DPP10: variants seen among roughly 807,000 people sequenced by gnomAD.
The protein encoded by DPP10 is inactive dipeptidyl peptidase 10.
DPP10 carries 33 observed loss-of-function variants against 120.9 expected under a neutral mutation model. That is an observed-to-expected ratio of 0.27 (90% confidence interval 0.21 to 0.37). The LOEUF is 0.37. Ranked by LOEUF, DPP10 falls within the 10% of genes least tolerant of loss-of-function variation. DPP10 has a pLI of 1.00. For synonymous variants in DPP10, 337 were observed against 326.1 expected (o/e 1.03, Z -0.36); for missense variants, 816 against 942.8 (o/e 0.87, Z 1.76).
At chr2:115,068,526 C>A (rs936707857) in intron 1 of DPP10, among the ~76,000 whole-genome samples, 12 of 152,144 alleles carry the variant, frequency 7.9e-5, no homozygotes, top group African/African-American at 2.9e-4. Context: ...GTTGCCTCTT[C>A]ATTATGCTAA....
intron 1 of DPP10, among the ~76,000 whole-genome samples, chr2:115,072,993 G>C (rs1167265239): frequency 6.6e-6 from 1 of 152,112 alleles, no homozygotes; most frequent in Non-Finnish European, 1.5e-5. Flanking sequence ...CTGTTGGCCA[G>C]GCTGGTCTCG....
At chr2:115,098,946 T>C (rs2048538698) in intron 1 of DPP10, among the ~76,000 whole-genome samples, 1 of 151,952 alleles carries the variant, frequency 6.6e-6, no homozygotes, top group Non-Finnish European at 1.5e-5. Context: ...CTTGTCCAGT[T>C]ACCACAAAAA....
At chr2:115,270,095 CACACACACACACACACACAG>C (rs2059628922) in intron 1 of DPP10, among the ~76,000 whole-genome samples, 1 of 149,108 alleles carries the variant, frequency 6.7e-6, no homozygotes, top group Non-Finnish European at 1.5e-5. Context: ...CACACACACA[CACACACACACACACACACAG>C]ACACACACAC....
intron 1 of DPP10, among the ~76,000 whole-genome samples, chr2:114,910,124 G>A (rs1160264927): frequency 1.3e-5 from 2 of 151,548 alleles, no homozygotes; most frequent in Admixed American, 6.6e-5. Flanking sequence ...TAGGCACTTA[G>A]GCCTTCCTGC....
At chr2:115,712,540 T>TATATATATATATATATATATCTATATA (rs2092353572) in intron 7 of DPP10, among the ~76,000 whole-genome samples, 1 of 18,060 alleles carries the variant, frequency 5.5e-5, no homozygotes. Context: ...GAGTCCTGAA[T>TATATATATATATATATATATCTATATA]TAAATATATA....
chr2:115,764,572 G>A (rs1203016919), intron 12 of DPP10, among the ~76,000 whole-genome samples: 1 of 151,940 alleles, frequency 6.6e-6, no homozygotes, highest in Non-Finnish European at 1.5e-5. Flanking sequence ...CTATTACTTT[G>A]ATTGCCAGTG....
chr2:115,203,783 A>G (rs1291167448), intron 1 of DPP10, among the ~76,000 whole-genome samples: 2 of 152,040 alleles, frequency 1.3e-5, no homozygotes, highest in African/African-American at 2.4e-5. Context: ...ATTTTATACT[A>G]TCCAATATAT....
intron 1 of DPP10, among the ~76,000 whole-genome samples, chr2:114,884,785 C>T (rs1691918217): frequency 6.6e-6 from 1 of 152,186 alleles, no homozygotes; most frequent in Non-Finnish European, 1.5e-5. Context: ...CATAGCTTAG[C>T]TCCCACTTAT....
intron 1 of DPP10, among the ~76,000 whole-genome samples, chr2:114,554,083 G>A (rs1004214105): frequency 2.6e-5 from 4 of 152,222 alleles, no homozygotes; most frequent in African/African-American, 4.8e-5. Context: ...GTTGATGTTA[G>A]TGAATCCATA....
At chr2:115,691,837 A>G (rs1214952412) in intron 7 of DPP10, among the ~76,000 whole-genome samples, 3 of 152,168 alleles carry the variant, frequency 2.0e-5, no homozygotes, top group African/African-American at 7.2e-5. Flanking sequence ...GACTCTTAAT[A>G]TCTCAAATTT....
intron 3 of DPP10, among the ~76,000 whole-genome samples, chr2:115,457,311 A>C (rs1351445545): frequency 6.6e-6 from 1 of 152,148 alleles, no homozygotes; most frequent in Non-Finnish European, 1.5e-5. Flanking sequence ...AAAACTTTTT[A>C]GAAAAAGACT....
At chr2:114,925,166 A>G (rs2104457876) in intron 1 of DPP10, among the ~76,000 whole-genome samples, 1 of 146,004 alleles carries the variant, frequency 6.8e-6, no homozygotes, top group Admixed American at 7.2e-5. Context: ...AGCCGAGATC[A>G]TGCCACTGCA....
chr2:115,137,074 C>A (rs116397445), intron 1 of DPP10, among the ~76,000 whole-genome samples: 3 of 151,940 alleles, frequency 2.0e-5, no homozygotes, highest in Non-Finnish European at 4.4e-5. Flanking sequence ...ATGAAAGCCA[C>A]GTGTGAGGGT....
chr2:114,835,253 C>T (rs552748915), intron 1 of DPP10: 6 of 148,606 alleles, frequency 4.0e-5, no homozygotes, highest in African/African-American at 1.5e-4. Flanking sequence ...TAGGACATAT[C>T]TACACACCTA....
chr2:114,776,091 A>G (rs1490799109), intron 1 of DPP10, among the ~76,000 whole-genome samples: 1 of 152,192 alleles, frequency 6.6e-6, no homozygotes, highest in Non-Finnish European at 1.5e-5. Flanking sequence ...TGAAGATATG[A>G]TGGGAAAATA....
chr2:115,334,228 C>CTTT (rs1393213758), intron 2 of DPP10, among the ~76,000 whole-genome samples: 2 of 22,342 alleles, frequency 9.0e-5, no homozygotes, highest in South Asian at 1.4e-3. Flanking sequence ...AGAGCAGACT[C>CTTT]TGTTTTTTTT....
intron 19 of DPP10, among the ~76,000 whole-genome samples, chr2:115,813,069 C>T (rs1686831657): frequency 6.9e-6 from 1 of 144,018 alleles, no homozygotes; most frequent in Admixed American, 6.9e-5. Context: ...GCAAGCTCCG[C>T]TTCCCGGGTT....
At chr2:115,437,018 G>A (rs1020311518) in intron 3 of DPP10, among the ~76,000 whole-genome samples, 2 of 151,840 alleles carry the variant, frequency 1.3e-5, no homozygotes, top group Middle Eastern at 3.4e-3. Context: ...GTCTCATATC[G>A]GTAAGTAATC....
At chr2:114,886,972 C>T (rs781388616) in intron 1 of DPP10, among the ~76,000 whole-genome samples, 1 of 152,190 alleles carries the variant, frequency 6.6e-6, no homozygotes, top group Non-Finnish European at 1.5e-5. Context: ...CTCATGTTCT[C>T]TCCATTAGTG....
Sources: gnomAD v4.1 joint callset for allele counts (sites outside exome capture counted in the v4.1 genomes callset) on GRCh38, gnomAD v4.1.1 for gene constraint, MANE v1.5 for transcripts, NCBI Gene and HGNC (gene_info 2026-07-23, HGNC 2026-07-21) for gene names.